The following DIPK1C variants were observed in gnomAD, a reference collection of about 807,000 sequenced individuals.
The protein encoded by DIPK1C is familial non-conventional Alzheimer's dementia.
DIPK1C carries 33 observed loss-of-function variants against 28.0 expected under a neutral mutation model. That is an observed-to-expected ratio of 1.18 (90% CI 0.89 to 1.58). DIPK1C has a LOEUF of 1.58. Among genes scored for constraint, DIPK1C ranks in the 40% most tolerant of loss-of-function variants. DIPK1C has a pLI of 0.00. For missense variants in DIPK1C, 569 were observed against 568.5 expected, an observed-to-expected ratio of 1.00 and a Z score of -0.01; for synonymous variants, 255 against 248.8, an observed-to-expected ratio of 1.02 and a Z score of -0.23.
intron 1 of DIPK1C, among the ~76,000 whole-genome samples, chr18:74,455,107 A>G (rs1314446876): frequency 2.0e-5 from 3 of 152,214 alleles, no homozygotes; most frequent in Non-Finnish European, 4.4e-5. Flanking sequence ...ATGTCTGACT[A>G]GAAATGATTC....
rs1986269615 is a variant in DIPK1C, at chr18:74,446,691, A to G, written c.791T>C (p.Val264Ala). The change falls in exon 2 of 4, where the codon GTG (valine) becomes GCG (alanine). Residue 264 changes from valine (V) to alanine (A), a missense_variant. Val to Ala is a moderately conservative substitution (Grantham distance 64). Transcript: ENST00000343998. ...SDIALSFLDM[V>A]NHFDSDFSHR... ...GGAAAAGTCACTGTCAAAATGGTTC[A>G]CCATGTCCAAGAAGCTGAGTGCGAT... 3 of 1,535,546 alleles carry G rather than the reference A, an allele frequency of 2.0e-6. No homozygotes were observed. Among genetic ancestry groups the G allele is most frequent in the Admixed American group, 4.2e-5 (2 of 47,716 alleles).
intron 2 of DIPK1C, among the ~76,000 whole-genome samples, chr18:74,445,767 G>GC (rs1986245939): frequency 6.6e-6 from 1 of 152,262 alleles, no homozygotes; most frequent in African/African-American, 2.4e-5. Context: ...AGAGCACTCC[G>GC]CCCTCCCCAA....
At chr18:74,445,842 G>A (rs1442530317) in intron 2 of DIPK1C, among the ~76,000 whole-genome samples, 4 of 152,190 alleles carry the variant, frequency 2.6e-5, no homozygotes, top group Non-Finnish European at 4.4e-5. Context: ...TGGTCCCAGC[G>A]ACTGGCACAG....
At chr18:74,442,306 T>G (rs1986147135) in intron 2 of DIPK1C, among the ~76,000 whole-genome samples, 190 bp from the exon 3 acceptor site, 2 of 152,010 alleles carry the variant, frequency 1.3e-5, no homozygotes, top group Non-Finnish European at 2.9e-5. Context: ...CTAAAGTGTC[T>G]GCATGCATTT....
chr18:74,443,091 T>C (rs190598943), intron 2 of DIPK1C, among the ~76,000 whole-genome samples: 77 of 152,330 alleles, frequency 5.1e-4, no homozygotes, highest in Non-Finnish European at 7.5e-4. Context: ...GCAGAGGCCC[T>C]GAACAGGAGC....
chr18:74,458,375 G>T (rs1011312946), upstream of DIPK1C, among the ~76,000 whole-genome samples: 1 of 152,182 alleles, frequency 6.6e-6, no homozygotes, highest in African/African-American at 2.4e-5. Context: ...ACCCGTTCCC[G>T]AGTTTAGAGA....
At chr18:74,463,703 C>A in the DIPK1C span, among the ~76,000 whole-genome samples, 1 of 152,324 alleles carries the variant, frequency 6.6e-6, no homozygotes, top group African/African-American at 2.4e-5. Flanking sequence ...GGCTTTGGAA[C>A]TCTCACACCA....
chr18:74,454,214 G>C (rs560977299), intron 1 of DIPK1C, among the ~76,000 whole-genome samples: 2 of 152,140 alleles, frequency 1.3e-5, no homozygotes. Context: ...GGAAGACCAG[G>C]GACTCAATTC....
chr18:74,436,652 TG>T lies in DIPK1C; in HGVS notation c.1108del (p.Gln370SerfsTer42), dbSNP rs1986002002. 3.0e-5 allele frequency: 48 copies of T among 1,613,832 alleles called. No homozygotes were observed. The highest frequency in any genetic ancestry group is 4.0e-5 in the Non-Finnish European group (47 of 1,180,000). ...CGCCTCCTGTAACTGCAGCTGAAGC[TG>T]GAAAGAGACCGCAGAGCTCTTGAGA... Reference protein sequence around the residue: ...APLKSSAVSFQLQLQLQEAVQ... With the variant: ...APLKSSAVSFXLQLQLQEAVQ... On this transcript the variant is annotated frameshift_variant, in exon 4 of 4. Coordinates refer to ENST00000343998, the MANE Select transcript of DIPK1C (RefSeq NM_001044369.3). LOFTEE classifies it low-confidence loss of function (END_TRUNC).
Position 74,447,788 on chromosome 18 carries a change from T to C in DIPK1C, c.199-505A>G, listed in dbSNP as rs1251156352. On this transcript the variant is annotated intron_variant, in intron 1 of 3. Transcript: ENST00000343998. This position sits in a 1 kb window ranked among gnomAD's most constrained non-coding sequence, Gnocchi z 4.1. ...ATGACCCTTCCTGCAAGTACATTCCTTGAGCTTACTGTTTTCCACATGAAA... is the reference window on the plus strand; with the variant it reads ...ATGACCCTTCCTGCAAGTACATTCCCTGAGCTTACTGTTTTCCACATGAAA... 6.6e-6 allele frequency among the ~76,000 whole-genome samples: 1 copy of C among 152,196 alleles called. No homozygotes were observed. The highest frequency in any genetic ancestry group is 6.5e-5 in the Admixed American group (1 of 15,284).
In DIPK1C at chr18:74,441,983, C is replaced by T. The variant is rs752173733; in HGVS notation, c.1010G>A (p.Cys337Tyr). Reference protein sequence around the residue: ...FSRCDLRVNKCGAQRVNNNLQ... With the variant: ...FSRCDLRVNKYGAQRVNNNLQ... ...GTTGTTGTTTACGCGCTGCGCTCCGCATTTGTTGACTCGTAAATCACATCT... is the reference window on the plus strand; with the variant it reads ...GTTGTTGTTTACGCGCTGCGCTCCGTATTTGTTGACTCGTAAATCACATCT... Residue 337 changes from cysteine (C) to tyrosine (Y), a missense_variant, in exon 3 of 4, where the codon TGC becomes TAC. By Grantham distance (194) the Cys-to-Tyr change is radical. Transcript: ENST00000343998. 6.2e-7 allele frequency: 1 copy of T among 1,614,160 alleles called. No homozygotes were observed. The highest frequency in any genetic ancestry group is 1.1e-5 in the South Asian group (1 of 91,068).
In DIPK1C at chr18:74,446,747, AG is replaced by A; in HGVS notation, c.734del (p.Pro245LeufsTer20). ...LFPLDRAPGA[P>X]GGGQAKAISD... ...TGATGGCCTTGGCCTGGCCACCCCC[AG>A]GGGCACCTGGGGCCCGGTCCAGGGG... On this transcript the variant is annotated frameshift_variant, in exon 2 of 4. Coordinates refer to ENST00000343998, the MANE Select transcript of DIPK1C (RefSeq NM_001044369.3). LOFTEE classifies it high-confidence loss of function. The A allele has an allele frequency of 6.5e-7, 1 of 1,532,080 alleles. No homozygotes were observed. Among genetic ancestry groups the A allele is most frequent in the Non-Finnish European group, 8.8e-7 (1 of 1,137,338 alleles). 94.9% of individuals were successfully genotyped at this position (1,532,080 alleles called of 1,614,324 possible).
upstream of DIPK1C, among the ~76,000 whole-genome samples, chr18:74,462,199 G>A (rs1986627795): frequency 6.6e-6 from 1 of 152,224 alleles, no homozygotes; most frequent in Non-Finnish European, 1.5e-5. Flanking sequence ...TGTGGCTGTG[G>A]AACGTCTCTA....
At chr18:74,439,370 C>A (rs955045823) in intron 3 of DIPK1C, among the ~76,000 whole-genome samples, 2 of 152,170 alleles carry the variant, frequency 1.3e-5, no homozygotes. Flanking sequence ...ACTATGCAAC[C>A]CAGCTCTCCC....
upstream of DIPK1C, among the ~76,000 whole-genome samples, chr18:74,461,712 C>T (rs1230685038): frequency 1.3e-5 from 2 of 152,030 alleles, no homozygotes; most frequent in African/African-American, 4.8e-5. Context: ...CTCTTCCACA[C>T]CTTAGGTCTT....
intron 2 of DIPK1C, among the ~76,000 whole-genome samples, chr18:74,442,739 G>A (rs969563115): frequency 3.3e-5 from 5 of 152,236 alleles, no homozygotes; most frequent in African/African-American, 1.2e-4. Context: ...ATCACCACAA[G>A]TATTGCTTTT....
At chr18:74,455,288 G>T (rs1035576496) in intron 1 of DIPK1C, among the ~76,000 whole-genome samples, 3 of 152,048 alleles carry the variant, frequency 2.0e-5, no homozygotes, top group East Asian at 3.9e-4. Context: ...ATGAAAAATG[G>T]CATTCGTTTT....
chr18:74,447,985 G>A lies in DIPK1C; in HGVS notation c.199-702C>T, dbSNP rs1295790432. On this transcript the variant is annotated intron_variant, in intron 1 of 3. Transcript: ENST00000343998. This position sits in a 1 kb window ranked among gnomAD's most constrained non-coding sequence, Gnocchi z 4.1. ...TAGGGAGTGTTTGCATCTGAGCGGCGGTGAGCAAGGCTGTCCAGGAGCCCC... is the reference window on the plus strand; with the variant it reads ...TAGGGAGTGTTTGCATCTGAGCGGCAGTGAGCAAGGCTGTCCAGGAGCCCC... 6.6e-6 allele frequency among the ~76,000 whole-genome samples: 1 copy of A among 152,078 alleles called. No homozygotes were observed. The highest frequency in any genetic ancestry group is 1.5e-5 in the Non-Finnish European group (1 of 68,008).
intron 1 of DIPK1C, among the ~76,000 whole-genome samples, chr18:74,451,286 C>T (rs28585056): frequency 0.038 from 5,847 of 152,236 alleles, 410 homozygotes; most frequent in African/African-American, 0.13. Flanking sequence ...GGCTGGGCTG[C>T]GCTATTCGAA....
Sources: gnomAD v4.1 joint callset for allele counts (sites outside exome capture counted in the v4.1 genomes callset) on GRCh38, gnomAD v4.1.1 for gene constraint, Gnocchi (gnomAD v3.1) non-coding constraint, MANE v1.5 for transcripts, NCBI Gene and HGNC (gene_info 2026-07-23, HGNC 2026-07-21) for gene names.